The following CTNNA3 variants were observed in gnomAD, a reference collection of about 807,000 sequenced individuals.
CTNNA3 encodes the protein catenin alpha-3.
CTNNA3 carries 76 observed loss-of-function variants against 95.7 expected under a neutral mutation model. The ratio of observed to expected loss-of-function variants is 0.79; its 90% CI spans 0.66 to 0.96. The LOEUF is 0.96. Ranked by LOEUF, CTNNA3 falls within the 40% of genes least tolerant of loss-of-function variation. CTNNA3 has a pLI of 0.00. For synonymous variants in CTNNA3, 431 were observed against 374.4 expected, an observed-to-expected ratio of 1.15 and a Z score of -1.74; for missense variants, 1,191 against 1,089.8, an observed-to-expected ratio of 1.09 and a Z score of -1.31.
intron 5 of CTNNA3, among the ~76,000 whole-genome samples, chr10:67,227,787 A>G (rs967610265): frequency 6.6e-6 from 1 of 152,214 alleles, no homozygotes; most frequent in Non-Finnish European, 1.5e-5. Flanking sequence ...GACAGACTAT[A>G]TGATAGGCCA....
intron 7 of CTNNA3, among the ~76,000 whole-genome samples, chr10:67,121,677 G>T (rs950690614): frequency 2.0e-5 from 3 of 151,944 alleles, no homozygotes; most frequent in Non-Finnish European, 2.9e-5. Context: ...CAAGTGTTCA[G>T]AGGGTCAAGC....
intron 1 of CTNNA3, among the ~76,000 whole-genome samples, chr10:67,737,420 T>C (rs1035937724): frequency 1.3e-5 from 2 of 151,208 alleles, no homozygotes; most frequent in Non-Finnish European, 2.9e-5. Context: ...ATAAACAACA[T>C]AACAATGCAC....
At chr10:66,402,871 A>G (rs570808499) in intron 11 of CTNNA3, among the ~76,000 whole-genome samples, 2 of 152,172 alleles carry the variant, frequency 1.3e-5, no homozygotes, top group African/African-American at 4.8e-5. Flanking sequence ...TGGCATGAAG[A>G]CCTCAGATAA....
chr10:66,988,667 G>A (rs1041011627), intron 7 of CTNNA3, among the ~76,000 whole-genome samples: 4 of 152,076 alleles, frequency 2.6e-5, no homozygotes, highest in African/African-American at 9.7e-5. Context: ...AACAGTTCAT[G>A]TTTAAAACCT....
At chr10:66,325,005 T>C (rs1256691371) in intron 12 of CTNNA3, among the ~76,000 whole-genome samples, 1 of 151,704 alleles carries the variant, frequency 6.6e-6, no homozygotes, top group Non-Finnish European at 1.5e-5. Flanking sequence ...GAGGTCAGAT[T>C]TGCAAGAGTG....
intron 5 of CTNNA3, among the ~76,000 whole-genome samples, chr10:67,466,940 C>T (rs765774786): frequency 6.6e-6 from 1 of 151,948 alleles, no homozygotes; most frequent in Non-Finnish European, 1.5e-5. Context: ...TGTGGAATAA[C>T]GAGGGAGCAG....
chr10:67,538,876 T>A (rs1840572353), intron 4 of CTNNA3, among the ~76,000 whole-genome samples: 1 of 152,222 alleles, frequency 6.6e-6, no homozygotes, highest in Admixed American at 6.5e-5. Context: ...AAACAGGCTT[T>A]AATAAAATTC....
intron 7 of CTNNA3, among the ~76,000 whole-genome samples, chr10:66,939,514 T>TAG (rs1847887981): frequency 6.6e-6 from 1 of 152,186 alleles, no homozygotes; most frequent in Non-Finnish European, 1.5e-5. Flanking sequence ...TTCAACTCTT[T>TAG]TGTTTGGGCC....
intron 7 of CTNNA3, among the ~76,000 whole-genome samples, chr10:66,908,693 C>A (rs923058603): frequency 2.0e-5 from 3 of 151,856 alleles, no homozygotes; most frequent in African/African-American, 7.3e-5. Flanking sequence ...TAAAAAAATT[C>A]ATTTTTATTA....
intron 12 of CTNNA3, among the ~76,000 whole-genome samples, chr10:66,287,873 C>T (rs892213271): frequency 2.6e-5 from 4 of 151,888 alleles, no homozygotes; most frequent in Admixed American, 6.6e-5. Context: ...AAGATCAAAA[C>T]GTGGGGCTGA....
intron 13 of CTNNA3, among the ~76,000 whole-genome samples, chr10:66,276,906 C>A (rs1012177003): frequency 6.6e-6 from 1 of 151,990 alleles, no homozygotes; most frequent in African/African-American, 2.4e-5. Flanking sequence ...GTCTATCTTA[C>A]AAAGGATGAA....
rs150160923 is a variant in CTNNA3 at position 67,245,091 on chromosome 10, C to G, written c.580-25221G>C. 8.1e-4 allele frequency among the ~76,000 whole-genome samples: 124 copies of G among 152,158 alleles called. 1 individual carries two copies. Among genetic ancestry groups the G allele is most frequent in the African/African-American group, 2.9e-3 (120 of 41,506 alleles). ...GACCATCCTATGTATCTCTGTGACC[C>G]CACTCCCAGTACTCTCCTTGCTTAC... On this transcript the variant is annotated intron_variant, in intron 5 of 17. Transcript: ENST00000433211.
intron 15 of CTNNA3, among the ~76,000 whole-genome samples, chr10:66,001,965 T>C (rs2078779632): frequency 6.6e-6 from 1 of 152,064 alleles, no homozygotes; most frequent in African/African-American, 2.4e-5. Flanking sequence ...GTTGTTATCG[T>C]TTAAAGTTGT....
At chr10:66,332,205 A>T (rs1412861357) in intron 12 of CTNNA3, among the ~76,000 whole-genome samples, 2 of 151,828 alleles carry the variant, frequency 1.3e-5, no homozygotes, top group Non-Finnish European at 2.9e-5. Flanking sequence ...GGACAATTTG[A>T]CTTCCTCTTT....
intron 15 of CTNNA3, among the ~76,000 whole-genome samples, chr10:66,050,374 TCCATGCACAAC>T (rs1287858751): frequency 6.6e-6 from 1 of 151,826 alleles, no homozygotes; most frequent in African/African-American, 2.4e-5. Flanking sequence ...TTCTCGATTA[TCCATGCACAAC>T]ACATTAGAGT....
intron 5 of CTNNA3, among the ~76,000 whole-genome samples, chr10:67,519,578 A>C (rs887833102): frequency 6.6e-5 from 10 of 152,282 alleles, no homozygotes; most frequent in African/African-American, 1.9e-4. Context: ...CATAGCAACA[A>C]CACCACCAAT....
At chr10:66,929,357 T>A (rs1026140795) in intron 7 of CTNNA3, among the ~76,000 whole-genome samples, 1 of 152,196 alleles carries the variant, frequency 6.6e-6, no homozygotes, top group Non-Finnish European at 1.5e-5. Flanking sequence ...GGTTGAGAGC[T>A]TACCAGAATT....
In CTNNA3 at chr10:66,787,224, G is replaced by A. The variant is rs777248121; in HGVS notation, c.1048-11700C>T. Among the ~76,000 whole-genome samples the A allele has an allele frequency of 4.6e-5, 7 of 151,614 alleles. No individual in the cohort carries two copies. In the East Asian group the frequency reaches 5.9e-4, roughly 13 times the overall value. On this transcript the variant is annotated intron_variant, in intron 7 of 17. Transcript: ENST00000433211. ...TCAGTTTCCTCTTCTGTAAGATGGC[G>A]TGTAGAAACAGATGTGTTGATGTCT...
At chr10:66,485,795 A>T (rs1489523234) in intron 11 of CTNNA3, among the ~76,000 whole-genome samples, 1 of 152,136 alleles carries the variant, frequency 6.6e-6, no homozygotes, top group African/African-American at 2.4e-5. Context: ...AGGAATCCTG[A>T]GTAAAATAAC....
Sources: allele counts gnomAD v4.1 joint callset (sites outside exome capture counted in the v4.1 genomes callset), GRCh38; gene constraint gnomAD v4.1.1; transcripts MANE v1.5; gene names NCBI Gene and HGNC (gene_info 2026-07-23, HGNC 2026-07-21).